The following BAG1 variants were observed in gnomAD, a reference collection of about 807,000 sequenced individuals.
BAG1 encodes the protein BAG cochaperone 1, also known as BAG family molecular chaperone regulator 1.
Under a neutral mutation model 35.5 loss-of-function variants are expected in BAG1, and 35 were observed. That is an observed-to-expected ratio of 0.99 (90% CI 0.75 to 1.31). The LOEUF is 1.31. Ranked by LOEUF, BAG1 falls within the 50% of genes most tolerant of loss-of-function variation. The pLI, the probability that BAG1 is intolerant of heterozygous loss-of-function variation, is 0.00. For missense variants in BAG1, 464 were observed against 453.6 expected, an observed-to-expected ratio of 1.02 and a Z score of -0.21; for synonymous variants, 191 against 178.9, an observed-to-expected ratio of 1.07 and a Z score of -0.54.
intron 2 of BAG1, 41 bp from the exon 3 acceptor site, chr9:33,261,210 A>G (rs981411197): frequency 1.4e-6 from 2 of 1,430,624 alleles, no homozygotes; most frequent in Non-Finnish European, 9.7e-7. Flanking sequence ...TAATAATTGT[A>G]CAACACTGAA....
intron 5 of BAG1, 82 bp downstream of exon 5, chr9:33,256,719 G>A (rs1820460399): frequency 2.6e-6 from 3 of 1,168,490 alleles, no homozygotes; most frequent in Middle Eastern, 2.0e-4. Flanking sequence ...TCAGGCAATA[G>A]GAGAGTAAAT....
rs1294373376 is a variant in BAG1, at chr9:33,264,320, T to C, written c.355A>G (p.Ser119Gly). 3.7e-6 allele frequency: 6 copies of C among 1,612,146 alleles called. No individual in the cohort carries two copies. In the East Asian group the frequency reaches 6.7e-5, roughly 18 times the overall value. The change falls in exon 1 of 7, where the codon AGC (serine) becomes GGC (glycine). Residue 119 changes from serine to glycine, a missense_variant. Transcript: ENST00000634734. The stretch of plus-strand genomic sequence containing the variant: ...TCCTCGTCCCGGGTCACCTCCTGGC[T>C]CCGATTCATCTCTTCGCCCTGGGTC...
chr9:33,261,359 A>C (rs1377055034), intron 2 of BAG1, among the ~76,000 whole-genome samples, 190 bp from the exon 3 acceptor site: 1 of 152,262 alleles, frequency 6.6e-6, no homozygotes, highest in African/African-American at 2.4e-5. Flanking sequence ...GCGACTCCAC[A>C]GTAACTACTA....
chr9:33,252,557 TTATA>T lies in BAG1; in HGVS notation c.*2658_*2661del, dbSNP rs74178865. 6.7e-6 allele frequency: 1 copy of T among 148,162 alleles called. No homozygotes were observed. The highest frequency in any genetic ancestry group is 1.5e-5 in the Non-Finnish European group (1 of 67,356). The allele number at this position is 148,162 out of a possible 1,614,324, so 9.2% of individuals were successfully genotyped here. On this transcript the variant is annotated 3_prime_UTR_variant, in exon 7 of 7. Coordinates refer to ENST00000634734, the MANE Select transcript of BAG1 (RefSeq NM_004323.6). Reference sequence around the variant, plus strand: ...TGTTATATATGTTATATATGTTATGTTATATATATATATGTTATATATGTAATAT... The same window carrying T: ...TGTTATATATGTTATATATGTTATGTTATATATATGTTATATATGTAATAT...
In BAG1 at chr9:33,254,763, T is replaced by C. The variant is rs528791755; in HGVS notation, c.*456A>G. 5 of 322,298 alleles carry C rather than the reference T, an allele frequency of 1.6e-5. No homozygotes were observed. The highest frequency in any genetic ancestry group is 2.4e-5 in the Non-Finnish European group (4 of 164,800). 20.0% of individuals were successfully genotyped at this position (322,298 alleles called of 1,614,324 possible). ...GTGCCAAACACCTTGTTCTAGGCCA[T>C]TCCCAATATTCCTGACTAGGTGCAA... On this transcript the variant is annotated 3_prime_UTR_variant, in exon 7 of 7. Transcript: ENST00000634734.
chr9:33,260,061 T>C (rs1820537185), intron 3 of BAG1: 1 of 152,218 alleles, frequency 6.6e-6, no homozygotes, highest in African/African-American at 2.4e-5. Flanking sequence ...AGTGGCTGTT[T>C]ACAGGCATGA....
At chr9:33,257,146 C>A in intron 4 of BAG1, 1 of 469,616 alleles carries the variant, frequency 2.1e-6, no homozygotes, top group Non-Finnish European at 3.8e-6. Flanking sequence ...CTGCAAATGC[C>A]TCCTGAGGCT....
intron 3 of BAG1, 62 bp downstream of exon 3, chr9:33,261,025 A>G (rs948617468): frequency 2.8e-6 from 4 of 1,414,400 alleles, no homozygotes; most frequent in Middle Eastern, 1.8e-4. Context: ...TCTAAACAGA[A>G]ACATGTATAA....
At chr9:33,259,177 AT>A in intron 3 of BAG1, 144 bp from the exon 4 acceptor site, 1 of 561,850 alleles carries the variant, frequency 1.8e-6, no homozygotes, top group African/African-American at 1.9e-5. Flanking sequence ...CCTGGCCAAC[AT>A]GGTGAAACAC....
At chr9:33,259,640 T>TAC in intron 3 of BAG1, 1 of 152,442 alleles carries the variant, frequency 6.6e-6, no homozygotes, top group East Asian at 1.9e-4. Context: ...CTCAGCCCTA[T>TAC]ACTGATCAAC....
rs907760049 is a variant in BAG1, at chr9:33,253,827, CTTTTT to C, written c.*1387_*1391del. On this transcript the variant is annotated 3_prime_UTR_variant, in exon 7 of 7. Transcript: ENST00000634734. ...ATGAGCACATAAACAGTTTTTTTTT[CTTTTT>C]ATTTATCTACTTTTACTTACTTAAA... is the stretch of plus-strand genomic sequence containing the variant. 2 of 138,442 alleles carry C rather than the reference CTTTTT, an allele frequency of 1.4e-5. No individual in the cohort carries two copies. The highest frequency in any genetic ancestry group is 5.4e-5 in the African/African-American group (2 of 37,178). The allele number at this position is 138,442 out of a possible 1,614,324, so 8.6% of individuals were successfully genotyped here.
chr9:33,253,754 C>T lies in BAG1; in HGVS notation c.*1465G>A, dbSNP rs1022937740. On this transcript the variant is annotated 3_prime_UTR_variant, in exon 7 of 7. Coordinates refer to ENST00000634734, the MANE Select transcript of BAG1 (RefSeq NM_004323.6). The stretch of plus-strand genomic sequence containing the variant: ...GACTAGAGCCACAGAATGATTTCCT[C>T]ATTAATCCAAAAAAAAAAAAAAAAG... 4 of 121,154 alleles carry T rather than the reference C, an allele frequency of 3.3e-5. No homozygotes were observed. The highest frequency in any genetic ancestry group is 8.3e-5 in the Admixed American group (1 of 12,080). 7.5% of individuals were successfully genotyped at this position (121,154 alleles called of 1,614,324 possible). A position where few individuals can be genotyped will look rare whatever the true frequency, so the allele number is the denominator to read the frequency against.
chr9:33,254,690 C>A lies in BAG1; in HGVS notation c.*529G>T. The A allele has an allele frequency of 4.6e-6, 1 of 216,392 alleles. No individual in the cohort carries two copies. The highest frequency in any genetic ancestry group is 6.6e-5 in the South Asian group (1 of 15,116). 13.4% of individuals were successfully genotyped at this position (216,392 alleles called of 1,614,324 possible). A position where few individuals can be genotyped will look rare whatever the true frequency, so the allele number is the denominator to read the frequency against. ...AAAGTCTAGAACCCAACAACCCAGC[C>A]AGATGCTCTGGAATTAGGTCACAAT... is the stretch of plus-strand genomic sequence containing the variant. On this transcript the variant is annotated 3_prime_UTR_variant, in exon 7 of 7. Coordinates refer to ENST00000634734, the MANE Select transcript of BAG1 (RefSeq NM_004323.6).
rs369142849 is a variant in BAG1, at chr9:33,253,564, C to T, written c.*1655G>A. On this transcript the variant is annotated 3_prime_UTR_variant, in exon 7 of 7. Coordinates refer to ENST00000634734, the MANE Select transcript of BAG1 (RefSeq NM_004323.6). ...AGTTGGGGTGCGGTGGGCTGGGACC[C>T]GAGCCTTGTCCACAAGTCTACCTCT... 5.9e-5 allele frequency: 9 copies of T among 152,212 alleles called. No individual in the cohort carries two copies. The highest frequency in any genetic ancestry group is 7.4e-5 in the Non-Finnish European group (5 of 68,014). 9.4% of individuals were successfully genotyped at this position (152,212 alleles called of 1,614,324 possible).
Position 33,255,261 on chromosome 9 carries a change from C to G in BAG1, c.996G>C (p.Glu332Asp). 1 of 1,614,250 alleles carries G rather than the reference C, an allele frequency of 6.2e-7. No individual in the cohort carries two copies. Among genetic ancestry groups the G allele is most frequent in the Non-Finnish European group, 8.5e-7 (1 of 1,180,034 alleles). The change falls in exon 7 of 7, where the codon GAG (glutamate) becomes GAC (aspartate). Residue 332 changes from glutamate to aspartate, a missense_variant. Transcript: ENST00000634734. ...AGTTTGTAGACTGCAGCCGCTCAGT[C>G]TCCTGGCAGATGTTCTGCTCCACTG...
Position 33,253,284 on chromosome 9 carries a change from C to G in BAG1, c.*1935G>C, listed in dbSNP as rs1224095487. On this transcript the variant is annotated 3_prime_UTR_variant, in exon 7 of 7. Coordinates refer to ENST00000634734, the MANE Select transcript of BAG1 (RefSeq NM_004323.6). ...AGCACTGGCTCTGAAACCAAACCAC[C>G]CAGCTTTGTGTCTTGGCTTTGCCGC... 2 of 152,164 alleles carry G rather than the reference C, an allele frequency of 1.3e-5. No homozygotes were observed. Among genetic ancestry groups the G allele is most frequent in the African/African-American group, 4.8e-5 (2 of 41,414 alleles). The allele number at this position is 152,164 out of a possible 1,614,324, so 9.4% of individuals were successfully genotyped here.
chr9:33,255,169 G>A lies in BAG1; in HGVS notation c.*50C>T, dbSNP rs1422746713. 2.5e-6 allele frequency: 4 copies of A among 1,614,078 alleles called. No homozygotes were observed. Among genetic ancestry groups the A allele is most frequent in the South Asian group, 2.2e-5 (2 of 91,078 alleles). On this transcript the variant is annotated 3_prime_UTR_variant, in exon 7 of 7. Transcript: ENST00000634734. Reference sequence around the variant, plus strand: ...GGTAAATTCCGCTCCAGAGACGGCAGAGCTGGTGGCGCCATTCTTCAGGGC... The same window carrying A: ...GGTAAATTCCGCTCCAGAGACGGCAAAGCTGGTGGCGCCATTCTTCAGGGC...
intron 1 of BAG1, among the ~76,000 whole-genome samples, chr9:33,263,907 A>C (rs1365424377): frequency 6.7e-6 from 1 of 150,374 alleles, no homozygotes; most frequent in African/African-American, 2.5e-5. Flanking sequence ...CACATGGCCC[A>C]ATATATGCCT....
In BAG1 at chr9:33,258,901, G is replaced by C. The variant is rs760488919; in HGVS notation, c.777+19C>G. 3.8e-6 allele frequency: 6 copies of C among 1,597,052 alleles called. No individual in the cohort carries two copies. Among genetic ancestry groups the C allele is most frequent in the South Asian group, 2.2e-5 (2 of 90,684 alleles). ...GCTCTGATAGAAGGCAGAAAGTTAA[G>C]GTCCATGAAGAGAGTTACCTGCTGG... is the stretch of plus-strand genomic sequence containing the variant. On this transcript the variant is annotated intron_variant, in intron 4 of 6. Coordinates refer to ENST00000634734, the MANE Select transcript of BAG1 (RefSeq NM_004323.6).
Sources: allele counts gnomAD v4.1 joint callset (sites outside exome capture counted in the v4.1 genomes callset), GRCh38; gene constraint gnomAD v4.1.1; transcripts MANE v1.5; gene names NCBI Gene and HGNC (gene_info 2026-07-23, HGNC 2026-07-21).